The following ACAP2 variants were observed in gnomAD, a reference collection of about 807,000 sequenced individuals.
The protein encoded by ACAP2 is ArfGAP with coiled-coil, ankyrin repeat and PH domains 2, also known as arf-GAP with coiled-coil, ANK repeat and PH domain-containing protein 2.
In ACAP2, 39 loss-of-function variants were observed where a neutral mutation model predicts 115.8. The ratio of observed to expected loss-of-function variants is 0.34; its 90% CI spans 0.26 to 0.44. ACAP2 has a LOEUF of 0.44. ACAP2 is among the 20% of genes least tolerant of loss of function. The pLI is 1.00. For synonymous variants in ACAP2, 289 were observed against 315.8 expected, an observed-to-expected ratio of 0.92 and a Z score of 0.90; for missense variants, 662 against 927.6, an observed-to-expected ratio of 0.71 and a Z score of 3.72.
intron 1 of ACAP2, among the ~76,000 whole-genome samples, chr3:195,427,483 C>T (rs1479377201): frequency 1.3e-5 from 2 of 152,096 alleles, no homozygotes; most frequent in African/African-American, 4.8e-5. Context: ...CTACAAGCCA[C>T]CTCGACGGTG....
In ACAP2 at chr3:195,333,461, A is replaced by G. The variant is rs189452971; in HGVS notation, c.574-338T>C. ...AGCAATCCTCCCACTTCCGCCTCCA[A>G]AAGTCCTGGGATTATAGGCGTGAGC... On this transcript the variant is annotated intron_variant, in intron 7 of 22. Transcript: ENST00000326793. Among the ~76,000 whole-genome samples the G allele has an allele frequency of 6.6e-3, 1,008 of 152,296 alleles. 2 individuals are homozygous for G. Among genetic ancestry groups the G allele is most frequent in the Non-Finnish European group, 0.011 (753 of 68,028 alleles).
chr3:195,291,311 A>T (rs1727239158), intron 20 of ACAP2, among the ~76,000 whole-genome samples: 1 of 152,242 alleles, frequency 6.6e-6, no homozygotes, highest in Non-Finnish European at 1.5e-5. Flanking sequence ...AAAACTAAAA[A>T]TTACAAAGTC....
chr3:195,299,153 G>C (rs1207738904), intron 15 of ACAP2, among the ~76,000 whole-genome samples: 1 of 152,094 alleles, frequency 6.6e-6, no homozygotes, highest in Non-Finnish European at 1.5e-5. Context: ...CACTGCATCA[G>C]ACTAGTAGCA....
intron 4 of ACAP2, among the ~76,000 whole-genome samples, chr3:195,363,622 T>TAC (rs546329426): frequency 0.046 from 6,730 of 147,118 alleles, 194 homozygotes; most frequent in African/African-American, 0.082. Context: ...TGAAACCACA[T>TAC]ACACACACAC....
At chr3:195,387,607 C>G (rs1468390316) in intron 2 of ACAP2, among the ~76,000 whole-genome samples, 1 of 152,130 alleles carries the variant, frequency 6.6e-6, no homozygotes, top group Non-Finnish European at 1.5e-5. Context: ...ACGCCAGGGG[C>G]ACCATACCCA....
intron 13 of ACAP2, 151 bp downstream of exon 13, chr3:195,306,360 A>G (rs1010009265): frequency 3.7e-5 from 17 of 462,716 alleles, no homozygotes; most frequent in African/African-American, 2.8e-4. Flanking sequence ...AATAAACAAA[A>G]AAGAAATTAA....
intron 17 of ACAP2, 26 bp from the exon 18 acceptor site, chr3:195,294,837 G>C: frequency 7.0e-7 from 1 of 1,426,636 alleles, no homozygotes; most frequent in Non-Finnish European, 9.8e-7. Flanking sequence ...ATTAACTAAT[G>C]ATTAAAGTTC....
chr3:195,433,728 T>C (rs1715316861), intron 1 of ACAP2, among the ~76,000 whole-genome samples: 1 of 152,256 alleles, frequency 6.6e-6, no homozygotes, highest in Non-Finnish European at 1.5e-5. Flanking sequence ...CTTTACCCTA[T>C]TATTATAGTA....
intron 1 of ACAP2, among the ~76,000 whole-genome samples, chr3:195,409,422 T>C (rs1713067032): frequency 6.6e-6 from 1 of 151,924 alleles, no homozygotes; most frequent in South Asian, 2.1e-4. Context: ...TATAAGGCAT[T>C]CCTGGGGGAA....
In ACAP2 at chr3:195,285,979, T is replaced by C. The variant is rs1577233162; in HGVS notation, c.2175-122A>G. ...TGTTTTATTTGCCATTAAAATAATC[T>C]GGCTTTTAGTTTATCAAACCCAGCA... On this transcript the variant is annotated intron_variant, in intron 21 of 22. Transcript: ENST00000326793. The C allele has an allele frequency of 2.5e-5, 18 of 718,884 alleles. No homozygotes were observed. In the East Asian group the frequency reaches 4.7e-4, roughly 19 times the overall value. The allele number at this position is 718,884 out of a possible 1,614,324, so 44.5% of individuals were successfully genotyped here.
intron 1 of ACAP2, among the ~76,000 whole-genome samples, chr3:195,416,219 G>A (rs1713713140): frequency 2.0e-5 from 3 of 152,050 alleles, no homozygotes; most frequent in Non-Finnish European, 4.4e-5. Context: ...GGTGGCACAT[G>A]CCTGTAGTCC....
chr3:195,338,218 G>C lies in ACAP2; in HGVS notation c.529-1242C>G, dbSNP rs1217825515. Among the ~76,000 whole-genome samples the C allele has an allele frequency of 2.0e-5, 3 of 152,146 alleles. No homozygotes were observed. The East Asian group carries it at 5.8e-4, about 29-fold the overall frequency. On this transcript the variant is annotated intron_variant, in intron 6 of 22. Transcript: ENST00000326793. ...CGAAGTGTAAATTCTAGTGAGACCAGGGTCTTTGCCTTATTCCCAGCTGTA... is the reference window on the plus strand; with the variant it reads ...CGAAGTGTAAATTCTAGTGAGACCACGGTCTTTGCCTTATTCCCAGCTGTA...
chr3:195,355,278 CTTCTTTTT>C (rs1227268923), intron 4 of ACAP2, among the ~76,000 whole-genome samples: 2 of 78,664 alleles, frequency 2.5e-5, no homozygotes, highest in Non-Finnish European at 4.5e-5. Context: ...TTTTCTTTTT[CTTCTTTTT>C]TTTTTTTTTT....
chr3:195,405,617 C>T (rs1712700242), intron 1 of ACAP2, among the ~76,000 whole-genome samples: 2 of 151,290 alleles, frequency 1.3e-5, no homozygotes, highest in South Asian at 4.2e-4. Context: ...ACCCAGGAGG[C>T]GGAGGTTGCA....
chr3:195,396,433 CTAAA>C (rs1241259248), intron 1 of ACAP2, among the ~76,000 whole-genome samples: 4 of 151,956 alleles, frequency 2.6e-5, no homozygotes, highest in African/African-American at 4.8e-5. Flanking sequence ...ATTAAAATAA[CTAAA>C]TACATTAAAT....
At chr3:195,407,245 C>A (rs912933586) in intron 1 of ACAP2, among the ~76,000 whole-genome samples, 3 of 150,234 alleles carry the variant, frequency 2.0e-5, no homozygotes, top group Middle Eastern at 3.6e-3. Context: ...TGTCTATAAT[C>A]CCAGCACTTT....
intron 14 of ACAP2, 151 bp downstream of exon 14, chr3:195,301,815 A>G: frequency 8.5e-7 from 1 of 1,180,624 alleles, no homozygotes; most frequent in Non-Finnish European, 1.2e-6. Flanking sequence ...GCTTTTACAA[A>G]CCAGGATTTT....
chr3:195,424,952 A>T (rs1241202424), intron 1 of ACAP2, among the ~76,000 whole-genome samples: 1 of 133,026 alleles, frequency 7.5e-6, no homozygotes, highest in Non-Finnish European at 1.6e-5. Flanking sequence ...AAAGGTTTTA[A>T]GAGTTGATTG....
chr3:195,338,878 G>A (rs1577323974), intron 6 of ACAP2, among the ~76,000 whole-genome samples: 2 of 150,834 alleles, frequency 1.3e-5, no homozygotes, highest in East Asian at 3.9e-4. Flanking sequence ...TAATTTTAAA[G>A]CACTAAATTA....
Sources: gnomAD v4.1 joint callset for allele counts (sites outside exome capture counted in the v4.1 genomes callset) on GRCh38, gnomAD v4.1.1 for gene constraint, MANE v1.5 for transcripts, NCBI Gene and HGNC (gene_info 2026-07-23, HGNC 2026-07-21) for gene names.